The following TLK1 variants were observed in gnomAD, a reference collection of about 807,000 sequenced individuals.
The protein encoded by TLK1 is tousled like kinase 1, also known as serine/threonine-protein kinase tousled-like 1.
In TLK1, 24 loss-of-function variants were observed where a neutral mutation model predicts 105.3. The observed-to-expected ratio is 0.23, with a 90% CI of 0.17 to 0.32. The LOEUF is 0.32. TLK1 is among the 10% of genes least tolerant of loss of function. The probability of loss-of-function intolerance (pLI) is 1.00; values close to 1 mark genes in which losing one functional copy is unlikely to be tolerated. For synonymous variants in TLK1, 321 were observed against 310.4 expected (o/e 1.03, Z -0.36); for missense variants, 558 against 910.5 (o/e 0.61, Z 4.98).
rs181183113 is a variant in TLK1, at chr2:171,094,481, A to G, written c.259-11629T>C. On this transcript the variant is annotated intron_variant, in intron 2 of 20. Transcript: ENST00000431350. ...AGAAGACATCAAAAATAGTATCTATAAACTACTGAGATACTACGAGAAAGC... is the reference window on the plus strand; with the variant it reads ...AGAAGACATCAAAAATAGTATCTATGAACTACTGAGATACTACGAGAAAGC... Among the ~76,000 whole-genome samples the G allele has an allele frequency of 2.4e-3, 370 of 152,344 alleles. 2 individuals are homozygous for G. The highest frequency in any genetic ancestry group is 4.7e-3 in the Admixed American group (72 of 15,294).
chr2:171,139,226 T>C (rs1037586673), intron 1 of TLK1, among the ~76,000 whole-genome samples: 2 of 152,166 alleles, frequency 1.3e-5, no homozygotes, highest in African/African-American at 4.8e-5. Flanking sequence ...TAAAAATATA[T>C]TGTAATGCTC....
At chr2:171,114,694 G>C in intron 2 of TLK1, among the ~76,000 whole-genome samples, 1 of 152,082 alleles carries the variant, frequency 6.6e-6, no homozygotes, top group East Asian at 1.9e-4. Context: ...AATTAGCCGG[G>C]CACGGTGGCA....
intron 1 of TLK1, among the ~76,000 whole-genome samples, chr2:171,175,196 G>A (rs529665138): frequency 6.6e-6 from 1 of 152,194 alleles, no homozygotes; most frequent in East Asian, 1.9e-4. Context: ...TTGTGCCACT[G>A]CACTCCAGCC....
At chr2:171,188,389 G>A (rs1396629257) in intron 1 of TLK1, among the ~76,000 whole-genome samples, 1 of 152,050 alleles carries the variant, frequency 6.6e-6, no homozygotes, top group Non-Finnish European at 1.5e-5. Flanking sequence ...GGCCAACATG[G>A]TGAAACCCCA....
chr2:170,994,746 T>C (rs774567661), intron 20 of TLK1: 2 of 512,316 alleles, frequency 3.9e-6, no homozygotes, highest in South Asian at 1.4e-5. Flanking sequence ...TCTAAAACCA[T>C]AGTTGAGTTT....
At chr2:171,144,134 G>T (rs1691699866) in intron 1 of TLK1, among the ~76,000 whole-genome samples, 1 of 151,422 alleles carries the variant, frequency 6.6e-6, no homozygotes, top group Admixed American at 6.6e-5. Flanking sequence ...GAAGATATAA[G>T]AATTCTAATC....
intron 1 of TLK1, among the ~76,000 whole-genome samples, chr2:171,204,378 A>G (rs1693460862): frequency 1.3e-5 from 2 of 152,218 alleles, no homozygotes; most frequent in Non-Finnish European, 2.9e-5. Context: ...AGTAACCACT[A>G]AAAGTAGCTA....
chr2:171,047,750 T>A (rs10803856), intron 10 of TLK1, among the ~76,000 whole-genome samples: 139,801 of 152,210 alleles, frequency 0.92, 65,266 homozygotes, highest in East Asian at 1. Flanking sequence ...AAAGAATTAC[T>A]GGAATAGATA....
intron 12 of TLK1, among the ~76,000 whole-genome samples, chr2:171,020,392 T>C (rs1004670957): frequency 5.3e-5 from 8 of 151,724 alleles, no homozygotes; most frequent in Admixed American, 1.3e-4. Context: ...ATATATAAAT[T>C]AGCCGGGCAT....
intron 12 of TLK1, among the ~76,000 whole-genome samples, chr2:171,027,236 C>A (rs992048088): frequency 2.0e-5 from 3 of 152,072 alleles, no homozygotes; most frequent in African/African-American, 7.2e-5. Flanking sequence ...AATTAGTTCA[C>A]TCCTTCAATT....
intron 1 of TLK1, among the ~76,000 whole-genome samples, chr2:171,123,839 G>T (rs984113158): frequency 3.3e-5 from 5 of 152,004 alleles, no homozygotes; most frequent in African/African-American, 1.2e-4. Flanking sequence ...AAAAAACACT[G>T]ATCTGTAATG....
chr2:171,031,625 TA>T (rs1686051192), intron 11 of TLK1, among the ~76,000 whole-genome samples: 1 of 152,232 alleles, frequency 6.6e-6, no homozygotes, highest in South Asian at 2.1e-4. Flanking sequence ...GTATTATTTT[TA>T]TTATGCACAC....
At chr2:171,119,709 C>A (rs1690576074) in intron 1 of TLK1, among the ~76,000 whole-genome samples, 1 of 152,130 alleles carries the variant, frequency 6.6e-6, no homozygotes, top group African/African-American at 2.4e-5. Flanking sequence ...ACACCAACAC[C>A]ATTTAGTGGA....
upstream of TLK1, among the ~76,000 whole-genome samples, chr2:171,161,199 C>T (rs1380063445): frequency 6.7e-6 from 1 of 149,626 alleles, no homozygotes; most frequent in Non-Finnish European, 1.5e-5. Flanking sequence ...GGGAGGCGCG[C>T]CCCCGCCGCG....
At chr2:171,026,561 C>T (rs1454535980) in intron 12 of TLK1, among the ~76,000 whole-genome samples, 1 of 152,100 alleles carries the variant, frequency 6.6e-6, no homozygotes, top group Non-Finnish European at 1.5e-5. Context: ...TTTGGTATTA[C>T]ACGTGAAGAT....
At chr2:171,190,956 G>A (rs1203982738) in intron 1 of TLK1, among the ~76,000 whole-genome samples, 1 of 151,890 alleles carries the variant, frequency 6.6e-6, no homozygotes, top group Non-Finnish European at 1.5e-5. Context: ...GAGGTCAGGA[G>A]TTCAAGACTA....
chr2:171,228,909 C>T (rs1162670916), intron 1 of TLK1, among the ~76,000 whole-genome samples: 1 of 152,202 alleles, frequency 6.6e-6, no homozygotes, highest in Non-Finnish European at 1.5e-5. Context: ...TCAACTCTGC[C>T]AATTGGCCTC....
At chr2:171,082,678 A>G (rs1688805234) in intron 3 of TLK1, 103 bp downstream of exon 3, 1 of 938,426 alleles carries the variant, frequency 1.1e-6, no homozygotes, top group African/African-American at 1.7e-5. Flanking sequence ...CTTTAAAAGC[A>G]TTAACCTTTA....
chr2:171,142,055 CCAGA>C (rs1185430968), intron 1 of TLK1, among the ~76,000 whole-genome samples: 5 of 151,660 alleles, frequency 3.3e-5, no homozygotes, highest in African/African-American at 9.7e-5. Context: ...GCTGCACTGA[CCAGA>C]AAGAGAAAAA....
Sources: gnomAD v4.1 joint callset for allele counts (sites outside exome capture counted in the v4.1 genomes callset) on GRCh38, gnomAD v4.1.1 for gene constraint, MANE v1.5 for transcripts, NCBI Gene and HGNC (gene_info 2026-07-23, HGNC 2026-07-21) for gene names.